The following FECH variants were observed in gnomAD, a reference collection of about 807,000 sequenced individuals.
The protein encoded by FECH is ferrochelatase, mitochondrial.
In FECH, 40 loss-of-function variants were observed where a neutral mutation model predicts 56.9. The observed-to-expected ratio is 0.70, with a 90% CI of 0.55 to 0.92. FECH has a LOEUF of 0.92. FECH is among the 40% of genes least tolerant of loss of function. FECH has a pLI of 0.00. For missense variants in FECH, 431 were observed against 529.1 expected (o/e 0.81, Z 1.82); for synonymous variants, 175 against 198.6 (o/e 0.88, Z 1.00).
At chr18:57,580,874 G>A (rs1256523303) in intron 1 of FECH, among the ~76,000 whole-genome samples, 1 of 152,168 alleles carries the variant, frequency 6.6e-6, no homozygotes, top group Non-Finnish European at 1.5e-5. Flanking sequence ...CCACTCCCAG[G>A]GTCTGTGCAG....
chr18:57,549,757 A>AT lies in FECH; in HGVS notation c.*954dup, dbSNP rs1456086928. On this transcript the variant is annotated 3_prime_UTR_variant, in exon 11 of 11. Transcript: ENST00000262093. The stretch of plus-strand genomic sequence containing the variant: ...CACATGTCCCATTGTATCACTATAC[A>AT]TTTTTATAATAAAAAATCGTAAATT... 1 of 152,240 alleles carries AT rather than the reference A, an allele frequency of 6.6e-6. No individual in the cohort carries two copies. Among genetic ancestry groups the AT allele is most frequent in the Admixed American group, 6.5e-5 (1 of 15,286 alleles). The allele number at this position is 152,240 out of a possible 1,614,324, so 9.4% of individuals were successfully genotyped here.
chr18:57,565,742 T>C (rs1283324726), intron 5 of FECH, among the ~76,000 whole-genome samples: 1 of 152,200 alleles, frequency 6.6e-6, no homozygotes, highest in Non-Finnish European at 1.5e-5. Flanking sequence ...AACATTAATA[T>C]CCAAAAGCAA....
chr18:57,559,448 T>C (rs1349399771), intron 6 of FECH, among the ~76,000 whole-genome samples: 1 of 152,168 alleles, frequency 6.6e-6, no homozygotes, highest in East Asian at 1.9e-4. Flanking sequence ...TTCAGGGGCC[T>C]AGGGAATTTG....
chr18:57,546,786 C>T lies in FECH; in HGVS notation c.*3926G>A, dbSNP rs1408286392. ...CCAGCCTGACCAACATGGTCAGGCCCCATCTCTACTAAAAATACAAAAATT... is the reference window on the plus strand; with the variant it reads ...CCAGCCTGACCAACATGGTCAGGCCTCATCTCTACTAAAAATACAAAAATT... On this transcript the variant is annotated 3_prime_UTR_variant, in exon 11 of 11. Coordinates refer to ENST00000262093, the MANE Select transcript of FECH (RefSeq NM_000140.5). Among the ~76,000 whole-genome samples, 3 of 151,632 alleles carry T rather than the reference C, an allele frequency of 2.0e-5. No individual in the cohort carries two copies. The East Asian group carries it at 5.9e-4, about 30-fold the overall frequency.
At position 57,566,554 on chromosome 18, in the gene FECH, C is replaced by T. The variant is rs767754226; in HGVS notation, c.491G>A (p.Arg164Gln). The change falls in exon 5 of 11, where the codon CGG becomes CAG. Residue 164 changes from arginine (R) to glutamine (Q), a missense_variant. Arg to Gln is a conservative substitution (Grantham distance 43). Coordinates refer to ENST00000262093, the MANE Select transcript of FECH (RefSeq NM_000140.5). ...TAPHKYYIGF[R>Q]YVHPLTEEAI... is the part of the protein sequence containing the mutation. ...TTCTTCTGTTAAAGGATGGACGTAC[C>T]GAAATCCAATATAGTATTTGTGAGG... 7.4e-6 allele frequency: 12 copies of T among 1,613,936 alleles called. No individual in the cohort carries two copies. The highest frequency in any genetic ancestry group is 5.5e-5 in the South Asian group (5 of 91,088).
intron 2 of FECH, among the ~76,000 whole-genome samples, chr18:57,576,672 C>T (rs560234535): frequency 3.9e-5 from 6 of 152,316 alleles, no homozygotes; most frequent in African/African-American, 1.4e-4. Flanking sequence ...CTACTCTGCC[C>T]TGCTCATGGT....
chr18:57,558,954 A>G (rs1006794035), intron 7 of FECH, among the ~76,000 whole-genome samples, 191 bp downstream of exon 7: 4 of 152,206 alleles, frequency 2.6e-5, no homozygotes, highest in African/African-American at 7.2e-5. Context: ...TCTATTTACA[A>G]CATTATAATT....
intron 2 of FECH, among the ~76,000 whole-genome samples, chr18:57,574,180 G>A (rs1397641598): frequency 6.6e-6 from 1 of 152,042 alleles, no homozygotes; most frequent in Non-Finnish European, 1.5e-5. Flanking sequence ...TTTTAGTAGA[G>A]ATGGTGTTTC....
intron 1 of FECH, among the ~76,000 whole-genome samples, chr18:57,584,873 C>T (rs1431182450): frequency 7.1e-6 from 1 of 141,306 alleles, no homozygotes; most frequent in Non-Finnish European, 1.5e-5. Flanking sequence ...GGGCCAGGCA[C>T]ACTAGATCAT....
At chr18:57,554,106 T>C (rs2050835057) in intron 9 of FECH, among the ~76,000 whole-genome samples, 154 bp downstream of exon 9, 1 of 152,152 alleles carries the variant, frequency 6.6e-6, no homozygotes, top group Non-Finnish European at 1.5e-5. Context: ...GTTGAGATTA[T>C]TACTCAGATG....
rs372638023 is a variant in FECH, at chr18:57,556,422, G to A, written c.805-1470C>T. Among the ~76,000 whole-genome samples the A allele has an allele frequency of 5.9e-5, 9 of 152,288 alleles. No individual in the cohort carries two copies. The East Asian group carries it at 1.2e-3, about 20-fold the overall frequency. On this transcript the variant is annotated intron_variant, in intron 7 of 10. Transcript: ENST00000262093. Reference sequence around the variant, plus strand: ...AGACACACCCTTAAACAAGTGGCCAGGGATCACATCACCAGTAGAAAAGCA... The same window carrying A: ...AGACACACCCTTAAACAAGTGGCCAAGGATCACATCACCAGTAGAAAAGCA...
At position 57,586,635 on chromosome 18, in the gene FECH, C is replaced by T. The variant is rs575162987; in HGVS notation, c.-15G>A. ...AGTGAACGCATTGCCTGGGCAGCCT[C>T]GGCCCGAGTCCGGGCTCCTCCCGCG... On this transcript the variant is annotated 5_prime_UTR_variant, in exon 1 of 11. Transcript: ENST00000262093. The T allele has an allele frequency of 4.0e-6, 6 of 1,508,152 alleles. No homozygotes were observed. The highest frequency in any genetic ancestry group is 5.3e-6 in the Non-Finnish European group (6 of 1,134,904). The allele number at this position is 1,508,152 out of a possible 1,614,324, so 93.4% of individuals were successfully genotyped here. A position where few individuals can be genotyped will look rare whatever the true frequency, so the allele number is the denominator to read the frequency against.
Position 57,573,272 on chromosome 18 carries a change from T to G in FECH, c.288A>C (p.Arg96=), listed in dbSNP as rs774976875. 1 of 1,613,892 alleles carries G rather than the reference T, an allele frequency of 6.2e-7. No individual in the cohort carries two copies. Among genetic ancestry groups the G allele is most frequent in the South Asian group, 1.1e-5 (1 of 91,074 alleles). The change falls in exon 3 of 11, where the codon CGA becomes CGC. Residue 96 remains arginine, a synonymous_variant. Transcript: ENST00000262093. ...HDFLLRLFLD[R]DLMTLPIQNK... Reference sequence around the variant, plus strand: ...TCTGAATAGGAAGTGTCATGAGGTCTCGGTCCAAGAAGAGTCTCAGAAGGA... The same window carrying G: ...TCTGAATAGGAAGTGTCATGAGGTCGCGGTCCAAGAAGAGTCTCAGAAGGA...
In FECH at chr18:57,548,250, T is replaced by TAAAAAAAAAAAAA. The variant is rs529946604; in HGVS notation, c.*2449_*2461dup. 1 of 129,976 alleles carries TAAAAAAAAAAAAA rather than the reference T, an allele frequency of 7.7e-6. No homozygotes were observed. Among genetic ancestry groups the TAAAAAAAAAAAAA allele is most frequent in the Non-Finnish European group, 1.6e-5 (1 of 61,068 alleles). 8.1% of individuals were successfully genotyped at this position (129,976 alleles called of 1,614,324 possible). On this transcript the variant is annotated 3_prime_UTR_variant, in exon 11 of 11. Coordinates refer to ENST00000262093, the MANE Select transcript of FECH (RefSeq NM_000140.5). ...TGGGTGACATAGCAAGACTCCATCT[T>TAAAAAAAAAAAAA]AAAAAAAAAAAAAAACAAAACAAAA...
Position 57,585,074 on chromosome 18 carries a change from T to A in FECH, c.67+1480A>T, listed in dbSNP as rs183153759. Among the ~76,000 whole-genome samples, 24 of 151,180 alleles carry A rather than the reference T, an allele frequency of 1.6e-4. No homozygotes were observed. In the East Asian group the frequency reaches 3.3e-3, roughly 21 times the overall value. On this transcript the variant is annotated intron_variant, in intron 1 of 10. Transcript: ENST00000262093. ...AAGAAAAAGGCACCAAGAAAAAAAA[T>A]AATTCATATAGATAGCTAAACAGAC...
intron 9 of FECH, among the ~76,000 whole-genome samples, chr18:57,552,693 C>G (rs1317427866): frequency 6.6e-6 from 1 of 152,208 alleles, no homozygotes; most frequent in Non-Finnish European, 1.5e-5. Flanking sequence ...AACCACCACA[C>G]CTGGCCTCAG....
Position 57,550,545 on chromosome 18 carries a change from C to T in FECH, c.*167G>A. ...TGTATAGTTATATAAAAATAGAAAT[C>T]CATCAAGAGTCCAATCCTCAAGAAA... On this transcript the variant is annotated 3_prime_UTR_variant, in exon 11 of 11. Transcript: ENST00000262093. The T allele has an allele frequency of 1.4e-6, 1 of 709,330 alleles. No individual in the cohort carries two copies. Among genetic ancestry groups the T allele is most frequent in the Non-Finnish European group, 2.3e-6 (1 of 434,410 alleles). The allele number at this position is 709,330 out of a possible 1,614,324, so 43.9% of individuals were successfully genotyped here. A position where few individuals can be genotyped will look rare whatever the true frequency, so the allele number is the denominator to read the frequency against.
intron 5 of FECH, 67 bp downstream of exon 5, chr18:57,566,380 C>T: frequency 6.2e-7 from 1 of 1,609,850 alleles, no homozygotes; most frequent in Non-Finnish European, 8.5e-7. Context: ...CCCTTCAGTA[C>T]TTAGACTCCT....
chr18:57,559,450 G>A (rs2050913448), intron 6 of FECH, among the ~76,000 whole-genome samples: 1 of 152,136 alleles, frequency 6.6e-6, no homozygotes, highest in African/African-American at 2.4e-5. Flanking sequence ...CAGGGGCCTA[G>A]GGAATTTGCT....
Sources: allele counts gnomAD v4.1 joint callset (sites outside exome capture counted in the v4.1 genomes callset), GRCh38; gene constraint gnomAD v4.1.1; transcripts MANE v1.5; gene names NCBI Gene and HGNC (gene_info 2026-07-23, HGNC 2026-07-21).